RAD23B: variants seen among roughly 807,000 people sequenced by gnomAD.
RAD23B encodes RAD23 nucleotide excision repair protein B, also known as lysine-specific demethylase RAD23B.
In RAD23B, 5 loss-of-function variants were observed where a neutral mutation model predicts 49.1. That is an observed-to-expected ratio of 0.10 (90% CI 0.05 to 0.21). The LOEUF (loss-of-function observed/expected upper bound fraction) is 0.21, where lower values mean the gene tolerates loss of function less well. RAD23B is among the 10% of genes least tolerant of loss of function. The pLI is 1.00. For missense variants in RAD23B, 356 were observed against 486.7 expected, an observed-to-expected ratio of 0.73 and a Z score of 2.53; for synonymous variants, 184 against 165.4, an observed-to-expected ratio of 1.11 and a Z score of -0.86.
At chr9:107,291,965 C>G (rs1490345278) in intron 1 of RAD23B, among the ~76,000 whole-genome samples, 1 of 152,150 alleles carries the variant, frequency 6.6e-6, no homozygotes, top group East Asian at 1.9e-4. Context: ...TCAAGTAATT[C>G]AGGCTCATTA....
At chr9:107,302,722 C>G (rs977951198) in intron 3 of RAD23B, among the ~76,000 whole-genome samples, 1 of 149,044 alleles carries the variant, frequency 6.7e-6, no homozygotes, top group African/African-American at 2.5e-5. Context: ...GTGACGCTGT[C>G]TTGGCTCACT....
intron 1 of RAD23B, among the ~76,000 whole-genome samples, chr9:107,295,104 GAAAAT>G (rs763088026): frequency 2.1e-3 from 325 of 152,138 alleles, no homozygotes; most frequent in Non-Finnish European, 3.9e-3. Flanking sequence ...GACTACCAGA[GAAAAT>G]AAGCAGCAGA....
chr9:107,324,573 GTTTGT>G, intron 8 of RAD23B, among the ~76,000 whole-genome samples: 1 of 151,864 alleles, frequency 6.6e-6, no homozygotes, highest in East Asian at 1.9e-4. Flanking sequence ...TTTGTTTTTT[GTTTGT>G]TTTGTTTTTT....
At chr9:107,322,581 G>A (rs768279449) in intron 7 of RAD23B, among the ~76,000 whole-genome samples, 4 of 152,234 alleles carry the variant, frequency 2.6e-5, no homozygotes, top group Non-Finnish European at 4.4e-5. Flanking sequence ...TTGAATTGAA[G>A]TCTCTTTACT....
chr9:107,308,310 C>G (rs548431927), intron 4 of RAD23B, among the ~76,000 whole-genome samples: 4 of 151,904 alleles, frequency 2.6e-5, no homozygotes, highest in South Asian at 2.1e-4. Context: ...CCTCCACCTC[C>G]CGGGTTCAAG....
intron 2 of RAD23B, among the ~76,000 whole-genome samples, chr9:107,301,094 T>C (rs1826641679): frequency 6.6e-6 from 1 of 152,208 alleles, no homozygotes; most frequent in African/African-American, 2.4e-5. Context: ...AAAACTAAAT[T>C]CATGTAGCAA....
intron 5 of RAD23B, among the ~76,000 whole-genome samples, chr9:107,313,258 C>T (rs529125814): frequency 3.3e-5 from 5 of 152,008 alleles, no homozygotes; most frequent in Admixed American, 6.5e-5. Flanking sequence ...CGTAGTCTCA[C>T]TCTGTCGCCC....
intron 2 of RAD23B, among the ~76,000 whole-genome samples, chr9:107,301,402 G>T (rs1301150800): frequency 6.6e-6 from 1 of 152,094 alleles, no homozygotes; most frequent in Non-Finnish European, 1.5e-5. Context: ...TTATCTTCAT[G>T]ATCTCCTCCT....
Position 107,302,074 on chromosome 9 carries a change from A to G in RAD23B, c.188A>G (p.Lys63Arg). 1 of 1,613,352 alleles carries G rather than the reference A, an allele frequency of 6.2e-7. No individual in the cohort carries two copies. The highest frequency in any genetic ancestry group is 1.1e-5 in the South Asian group (1 of 91,054). The change falls in exon 3 of 10, where the codon AAA becomes AGA. Residue 63 changes from lysine (K) to arginine (R), a missense_variant. Lys to Arg is a conservative substitution (Grantham distance 26). This residue lies in a region of RAD23B where 32 missense variants were observed against 62.3 expected (regional missense o/e 0.51). Transcript: ENST00000358015. The part of the protein sequence containing the change: ...LNDDTALKEY[K>R]IDEKNFVVVM... ...GATGATACTGCTCTCAAAGAATATA[A>G]AATTGATGAGAAAAACTTTGTGGTG...
intron 1 of RAD23B, chr9:107,284,726 C>T (rs1268194549): frequency 1.8e-6 from 2 of 1,127,834 alleles, no homozygotes; most frequent in South Asian, 2.1e-5. Flanking sequence ...CAGCTTTCTG[C>T]CCAACTCTAT....
At chr9:107,298,893 T>C (rs1041971167) in intron 1 of RAD23B, among the ~76,000 whole-genome samples, 1 of 151,838 alleles carries the variant, frequency 6.6e-6, no homozygotes, top group African/African-American at 2.4e-5. Flanking sequence ...CAGTGGAAAA[T>C]AGTGGATTGA....
chr9:107,290,591 C>T (rs1414392228), intron 1 of RAD23B, among the ~76,000 whole-genome samples: 1 of 152,134 alleles, frequency 6.6e-6, no homozygotes, highest in Non-Finnish European at 1.5e-5. Context: ...TTAAAAAAGT[C>T]TTTCTCCTCT....
At position 107,294,280 on chromosome 9, in the gene RAD23B, ATGTT is replaced by A. The variant is rs1344040026; in HGVS notation, c.67-5858_67-5855del. Among the ~76,000 whole-genome samples, 4 of 152,330 alleles carry A rather than the reference ATGTT, an allele frequency of 2.6e-5. No homozygotes were observed. The East Asian group carries it at 7.7e-4, about 29-fold the overall frequency. On this transcript the variant is annotated intron_variant, in intron 1 of 9. Coordinates refer to ENST00000358015, the MANE Select transcript of RAD23B (RefSeq NM_002874.5). ...AGAGAGAATTAAGTAGCTAGAAAAA[ATGTT>A]TGATTTCTTGAATGTTAACCATGTC... is the stretch of plus-strand genomic sequence containing the variant.
intron 1 of RAD23B, among the ~76,000 whole-genome samples, chr9:107,293,245 C>G (rs968181907): frequency 6.6e-6 from 1 of 152,192 alleles, no homozygotes; most frequent in Non-Finnish European, 1.5e-5. Context: ...TCAGAAGTCA[C>G]ACTTTTACTT....
At position 107,319,132 on chromosome 9, in the gene RAD23B, T is replaced by TTTC. The variant is rs1554743450; in HGVS notation, c.681+255_681+256insCTT. 2.7e-3 allele frequency among the ~76,000 whole-genome samples: 359 copies of TTTC among 132,196 alleles called. 1 individual carries two copies. The highest frequency in any genetic ancestry group is 0.011 in the African/African-American group (333 of 31,654). 86.7% of individuals were successfully genotyped at this position (132,196 alleles called of 152,430 possible). On this transcript the variant is annotated intron_variant, in intron 6 of 9. Transcript: ENST00000358015. The stretch of plus-strand genomic sequence containing the variant: ...CAGAACAAAAATTTCTTTTTTCTTT[T>TTTC]TTTTTTTTTTTTTTTTGAGACGGAG...
At chr9:107,325,582 A>G (rs1219094879) in intron 9 of RAD23B, among the ~76,000 whole-genome samples, 1 of 152,186 alleles carries the variant, frequency 6.6e-6, no homozygotes, top group Non-Finnish European at 1.5e-5. Flanking sequence ...TTAATTGTGT[A>G]TATTGATCTT....
chr9:107,331,462 C>A lies in RAD23B; in HGVS notation c.*1806C>A, dbSNP rs1827305336. 1 of 497,988 alleles carries A rather than the reference C, an allele frequency of 2.0e-6. No homozygotes were observed. Among genetic ancestry groups the A allele is most frequent in the Non-Finnish European group, 3.6e-6 (1 of 281,368 alleles). 30.8% of individuals were successfully genotyped at this position (497,988 alleles called of 1,614,324 possible). On this transcript the variant is annotated 3_prime_UTR_variant, in exon 10 of 10. Transcript: ENST00000358015. ...AGGTTGCCGTGAGCTGAGATCACACCACTGCCATAAACATGACAGGCTTTT... is the reference window on the plus strand; with the variant it reads ...AGGTTGCCGTGAGCTGAGATCACACAACTGCCATAAACATGACAGGCTTTT...
intron 4 of RAD23B, among the ~76,000 whole-genome samples, chr9:107,308,321 C>T (rs541906227): frequency 4.6e-4 from 70 of 151,598 alleles, no homozygotes; most frequent in African/African-American, 1.7e-3. Flanking sequence ...CGGGTTCAAG[C>T]GATTCTCCTG....
At chr9:107,316,301 T>C (rs7025563) in intron 5 of RAD23B, among the ~76,000 whole-genome samples, 122,894 of 152,230 alleles carry the variant, frequency 0.81, 50,156 homozygotes, top group African/African-American at 0.93. Flanking sequence ...TGAGCCACCA[T>C]ACCTAGTCTT....
Sources: allele counts gnomAD v4.1 joint callset (sites outside exome capture counted in the v4.1 genomes callset), GRCh38; gene constraint gnomAD v4.1.1; regional missense constraint gnomAD v4.1.1; transcripts MANE v1.5; gene names NCBI Gene and HGNC (gene_info 2026-07-23, HGNC 2026-07-21).